The following M1AP variants were observed in gnomAD, a reference collection of about 807,000 sequenced individuals.
The protein encoded by M1AP is meiosis 1 arrest protein.
A neutral mutation model predicts 51.2 loss-of-function variants in M1AP; 39 were observed. The ratio of observed to expected loss-of-function variants is 0.76; its 90% confidence interval spans 0.59 to 1.00. The LOEUF (loss-of-function observed/expected upper bound fraction) is 1.00. Among genes scored for constraint, M1AP ranks in the 50% least tolerant of loss-of-function variants. The pLI is 0.00. For synonymous variants in M1AP, 251 were observed against 249.2 expected, an observed-to-expected ratio of 1.01 and a Z score of -0.07; for missense variants, 545 against 641.2, an observed-to-expected ratio of 0.85 and a Z score of 1.62.
chr2:74,562,167 A>G, intron 8 of M1AP, 50 bp downstream of exon 8: 1 of 1,550,384 alleles, frequency 6.5e-7, no homozygotes, highest in Non-Finnish European at 8.7e-7. Flanking sequence ...TCCCTTTCTC[A>G]AACTCCATTC....
At chr2:74,628,379 C>T (rs571588630) in intron 2 of M1AP, 23 of 379,224 alleles carry the variant, frequency 6.1e-5, no homozygotes, top group Non-Finnish European at 1.1e-4. Context: ...TTACAAGATA[C>T]GAGGTAGCCA....
At chr2:74,607,004 A>C in intron 4 of M1AP, 51 bp downstream of exon 4, 3 of 1,565,092 alleles carry the variant, frequency 1.9e-6, no homozygotes, top group Non-Finnish European at 2.6e-6. Flanking sequence ...TTAACTCATC[A>C]TTTTCATTAA....
rs930446466 is a variant in M1AP at position 74,558,836 on chromosome 2, C to T, written c.1473G>A (p.Val491=). 3 of 1,603,654 alleles carry T rather than the reference C, an allele frequency of 1.9e-6. No homozygotes were observed. The highest frequency in any genetic ancestry group is 1.3e-5 in the African/African-American group (1 of 74,434). ...QLQTNRARAT[V]APLPMTPVPG... The stretch of plus-strand genomic sequence containing the variant: ...GGACAGGAGTCATAGGCAGGGGGGC[C>T]ACAGTAGCTCGAGCTCGGTTGGTCT... Residue 491 remains valine (V), a synonymous_variant, in exon 11 of 11, where the codon GTG becomes GTA. Coordinates refer to ENST00000421985, the MANE Select transcript of M1AP (RefSeq NM_001321739.2).
chr2:74,577,363 T>C (rs960908615), intron 5 of M1AP, among the ~76,000 whole-genome samples: 4 of 152,236 alleles, frequency 2.6e-5, no homozygotes, highest in African/African-American at 9.6e-5. Context: ...TAACTGCATA[T>C]GCCATAGTGT....
intron 4 of M1AP, among the ~76,000 whole-genome samples, chr2:74,599,572 G>A (rs1680551751): frequency 6.6e-6 from 1 of 151,992 alleles, no homozygotes; most frequent in South Asian, 2.1e-4. Context: ...TCATGTGGCT[G>A]TTTCTGGACT....
intron 3 of M1AP, among the ~76,000 whole-genome samples, chr2:74,611,754 C>A (rs950858914): frequency 6.6e-6 from 1 of 151,250 alleles, no homozygotes; most frequent in African/African-American, 2.4e-5. Flanking sequence ...ATTGCTTGAA[C>A]ACGGGAGGTG....
At position 74,562,340 on chromosome 2, in the gene M1AP, C is replaced by A; in HGVS notation, c.1158G>T (p.Val386=). ...GTGTGAGGGAGTGTGACGGCATGAT[C>A]ACATAGAAGGTGCTGGCAGGAATTC... The part of the protein sequence containing the change: ...SQRIPASTFY[V]IMPSHSLTLL... The change falls in exon 8 of 11, where the codon GTG becomes GTT. Residue 386 remains valine (V), a synonymous_variant. Coordinates refer to ENST00000421985, the MANE Select transcript of M1AP (RefSeq NM_001321739.2). 6.2e-7 allele frequency: 1 copy of A among 1,614,248 alleles called. No individual in the cohort carries two copies. The highest frequency in any genetic ancestry group is 1.1e-5 in the South Asian group (1 of 91,086).
intron 9 of M1AP, among the ~76,000 whole-genome samples, 186 bp downstream of exon 9, chr2:74,559,965 T>C (rs1166274902): frequency 6.6e-6 from 1 of 152,186 alleles, no homozygotes; most frequent in African/African-American, 2.4e-5. Context: ...GTAAATGCCC[T>C]AGCAAACAGG....
chr2:74,591,312 T>C (rs1220381049), intron 4 of M1AP, among the ~76,000 whole-genome samples: 2 of 152,262 alleles, frequency 1.3e-5, no homozygotes, highest in African/African-American at 4.8e-5. Context: ...GCAGCTTATA[T>C]GCAAAAGAGA....
intron 2 of M1AP, among the ~76,000 whole-genome samples, chr2:74,630,456 T>C (rs1682637918): frequency 6.6e-6 from 1 of 152,136 alleles, no homozygotes; most frequent in South Asian, 2.1e-4. Context: ...CCCACATGCA[T>C]TAGCTATTGG....
rs192196758 is a variant in M1AP, at chr2:74,573,236, A to C, written c.1074+2202T>G. On this transcript the variant is annotated intron_variant, in intron 7 of 10. Coordinates refer to ENST00000421985, the MANE Select transcript of M1AP (RefSeq NM_001321739.2). ...TAATTTTTTATTTTATTTTATTTTT[A>C]GTAGAGACAGGGCTTCATCATGTTG... is the stretch of plus-strand genomic sequence containing the variant. Among the ~76,000 whole-genome samples, 3 of 152,140 alleles carry C rather than the reference A, an allele frequency of 2.0e-5. No individual in the cohort carries two copies. In the East Asian group the frequency reaches 5.8e-4, roughly 29 times the overall value.
intron 5 of M1AP, among the ~76,000 whole-genome samples, chr2:74,579,225 G>T (rs1679259999): frequency 6.6e-6 from 1 of 152,214 alleles, no homozygotes; most frequent in South Asian, 2.1e-4. Context: ...TAGCACCATG[G>T]GCAAATGCCA....
At chr2:74,619,065 T>C (rs1297731705) in intron 2 of M1AP, 2 of 453,408 alleles carry the variant, frequency 4.4e-6, no homozygotes, top group East Asian at 6.1e-5. Flanking sequence ...TAAGGTTTTG[T>C]TGATCAGTCC....
chr2:74,562,202 C>T lies in M1AP; in HGVS notation c.1281+15G>A, dbSNP rs377032064. ...CGCTTCTAGATCTGTCCCATGAGAT[C>T]TGGGCTCCACTTGCCTCCACATTCT... is the stretch of plus-strand genomic sequence containing the variant. On this transcript the variant is annotated intron_variant, in intron 8 of 10. Coordinates refer to ENST00000421985, the MANE Select transcript of M1AP (RefSeq NM_001321739.2). 14 of 1,597,592 alleles carry T rather than the reference C, an allele frequency of 8.8e-6. No individual in the cohort carries two copies. The highest frequency in any genetic ancestry group is 1.0e-5 in the Non-Finnish European group (12 of 1,169,850).
intron 4 of M1AP, among the ~76,000 whole-genome samples, chr2:74,599,384 T>C (rs1680540842): frequency 6.6e-6 from 1 of 152,130 alleles, no homozygotes; most frequent in African/African-American, 2.4e-5. Context: ...TTTTTTAAAG[T>C]TTTACATTTT....
intron 7 of M1AP, among the ~76,000 whole-genome samples, chr2:74,573,877 A>C (rs1678898422): frequency 6.6e-6 from 1 of 152,224 alleles, no homozygotes; most frequent in Non-Finnish European, 1.5e-5. Context: ...AAAATATCAA[A>C]TACTGTAAGA....
intron 7 of M1AP, among the ~76,000 whole-genome samples, chr2:74,572,973 A>C (rs1003798297): frequency 6.6e-6 from 1 of 152,202 alleles, no homozygotes; most frequent in Non-Finnish European, 1.5e-5. Flanking sequence ...TCAAACCCTG[A>C]GTTTAGTGGC....
At chr2:74,584,141 CT>C (rs1385354401) in intron 4 of M1AP, among the ~76,000 whole-genome samples, 1 of 152,132 alleles carries the variant, frequency 6.6e-6, no homozygotes, top group East Asian at 1.9e-4. Flanking sequence ...AGAGAAATAT[CT>C]TTTAAAAAAA....
At chr2:74,636,622 T>C (rs1281470187) in intron 2 of M1AP, among the ~76,000 whole-genome samples, 2 of 152,162 alleles carry the variant, frequency 1.3e-5, no homozygotes, top group Non-Finnish European at 2.9e-5. Flanking sequence ...TTTCTTTGTA[T>C]AGGTTTTTTA....
Sources: gnomAD v4.1 joint callset for allele counts (sites outside exome capture counted in the v4.1 genomes callset) on GRCh38, gnomAD v4.1.1 for gene constraint, MANE v1.5 for transcripts, NCBI Gene and HGNC (gene_info 2026-07-23, HGNC 2026-07-21) for gene names.